SLC35F4: variants seen among roughly 807,000 people sequenced by gnomAD.
The protein encoded by SLC35F4 is chromosome 14 open reading frame 36.
A neutral mutation model predicts 44.2 loss-of-function variants in SLC35F4; 24 were observed. The observed-to-expected ratio is 0.54, with a 90% CI of 0.39 to 0.76. The LOEUF (loss-of-function observed/expected upper bound fraction) is 0.76. SLC35F4 is among the 30% of genes least tolerant of loss of function. SLC35F4 has a pLI of 0.00. For synonymous variants in SLC35F4, 238 were observed against 223.6 expected (o/e 1.06, Z -0.57); for missense variants, 562 against 586.1 (o/e 0.96, Z 0.42).
At chr14:57,643,138 C>A (rs1013506755) in intron 1 of SLC35F4, among the ~76,000 whole-genome samples, 2 of 151,790 alleles carry the variant, frequency 1.3e-5, no homozygotes, top group African/African-American at 4.8e-5. Flanking sequence ...AAAGTTTCAA[C>A]CACCTTCAGA....
At position 57,727,411 on chromosome 14, in the gene SLC35F4, T is replaced by G. The variant is rs765688564; in HGVS notation, c.104-133287A>C. On this transcript the variant is annotated intron_variant, in intron 1 of 7. Transcript: ENST00000556826. Reference sequence around the variant, plus strand: ...TCATTTCAAATTCACTTATTTTTGCTCTGATTTTTATTTCTTCTACTAATT... The same window carrying G: ...TCATTTCAAATTCACTTATTTTTGCGCTGATTTTTATTTCTTCTACTAATT... 2.0e-5 allele frequency among the ~76,000 whole-genome samples: 3 copies of G among 152,036 alleles called. No homozygotes were observed. The South Asian group carries it at 6.2e-4, about 31-fold the overall frequency.
rs575291891 is a variant in SLC35F4 at position 57,800,249 on chromosome 14, C to T, written c.103+65474G>A. ...GCCGCTGGGGTCTGGAGCGGATCCC[C>T]AGCAACCTGCAGCAGTCCCTGCAGT... On this transcript the variant is annotated intron_variant, in intron 1 of 7. Coordinates refer to ENST00000556826, the MANE Select transcript of SLC35F4 (RefSeq NM_001306087.2). Among the ~76,000 whole-genome samples the T allele has an allele frequency of 2.0e-4, 28 of 138,254 alleles. 1 individual carries two copies. In the South Asian group the frequency reaches 6.3e-3, roughly 31 times the overall value. The allele number at this position is 138,254 out of a possible 152,430, so 90.7% of individuals were successfully genotyped here.
chr14:57,631,131 G>C (rs940981192), intron 1 of SLC35F4: 8 of 152,698 alleles, frequency 5.2e-5, no homozygotes, highest in African/African-American at 1.9e-4. Context: ...TTTAGGTTCA[G>C]GGCAGGCCTT....
intron 1 of SLC35F4, among the ~76,000 whole-genome samples, chr14:57,625,829 T>C (rs1288227735): frequency 6.6e-6 from 1 of 152,174 alleles, no homozygotes; most frequent in East Asian, 1.9e-4. Context: ...ACTGGGTATA[T>C]ACCCAAAGGA....
At chr14:57,916,448 A>C (rs374725372) in intron 1 of SLC35F4, among the ~76,000 whole-genome samples, 2 of 152,170 alleles carry the variant, frequency 1.3e-5, no homozygotes, top group East Asian at 3.8e-4. Flanking sequence ...TGATATGCCC[A>C]AGTGTAGGAT....
chr14:57,670,902 CTT>C (rs35951590), intron 1 of SLC35F4, among the ~76,000 whole-genome samples: 18 of 107,344 alleles, frequency 1.7e-4, no homozygotes, highest in African/African-American at 4.0e-4. Context: ...CTCATTCATT[CTT>C]TTTTTTTTTT....
chr14:57,627,306 G>C (rs547251228), intron 1 of SLC35F4, among the ~76,000 whole-genome samples: 1 of 152,162 alleles, frequency 6.6e-6, no homozygotes, highest in Admixed American at 6.6e-5. Flanking sequence ...AAATGGGTTC[G>C]ATAAATATAT....
At chr14:57,818,915 T>A (rs909805525) in intron 1 of SLC35F4, among the ~76,000 whole-genome samples, 1 of 152,230 alleles carries the variant, frequency 6.6e-6, no homozygotes, top group Non-Finnish European at 1.5e-5. Context: ...ACCAAAAACT[T>A]AATGGCAAGC....
chr14:57,798,768 G>A (rs899692471), intron 1 of SLC35F4, among the ~76,000 whole-genome samples: 3 of 152,140 alleles, frequency 2.0e-5, no homozygotes, highest in Admixed American at 2.0e-4. Context: ...CTCTATTGGA[G>A]CCAGCGGCAC....
chr14:57,727,813 C>T (rs2076241889), intron 1 of SLC35F4, among the ~76,000 whole-genome samples: 1 of 152,122 alleles, frequency 6.6e-6, no homozygotes, highest in African/African-American at 2.4e-5. Flanking sequence ...TGTGGTCTAT[C>T]CTTGAGAATG....
chr14:57,642,599 T>G (rs537908915), intron 1 of SLC35F4, among the ~76,000 whole-genome samples: 12 of 152,106 alleles, frequency 7.9e-5, no homozygotes, highest in Non-Finnish European at 1.6e-4. Flanking sequence ...AACTGTTTAC[T>G]TTTTTTGATG....
chr14:57,581,074 G>T (rs537886642), intron 4 of SLC35F4, 140 bp downstream of exon 4: 2 of 760,368 alleles, frequency 2.6e-6, no homozygotes, highest in Non-Finnish European at 1.9e-6. Context: ...TTTCTAATGC[G>T]TCTTCAGATT....
At chr14:57,830,282 T>C (rs566740633) in intron 1 of SLC35F4, among the ~76,000 whole-genome samples, 1 of 152,340 alleles carries the variant, frequency 6.6e-6, no homozygotes, top group African/African-American at 2.4e-5. Flanking sequence ...TTTCGTGATC[T>C]GTAAAACGGA....
chr14:57,583,982 A>ATTATTAAAACAGCAGCCACTAGTTGT (rs2069497631), intron 3 of SLC35F4, among the ~76,000 whole-genome samples: 1 of 152,190 alleles, frequency 6.6e-6, no homozygotes. Context: ...AGTTATGCTT[A>ATTATTAAAACAGCAGCCACTAGTTGT]TTATTAAAAC....
In SLC35F4 at chr14:57,952,079, C is replaced by T. The variant is rs544189615; in HGVS notation, n.282+29834G>A. Among the ~76,000 whole-genome samples the T allele has an allele frequency of 1.5e-4, 23 of 152,260 alleles. No individual in the cohort carries two copies. In the East Asian group the frequency reaches 1.5e-3, roughly 10 times the overall value. On this transcript the variant is annotated intron_variant and non_coding_transcript_variant, in intron 1 of 1. Transcript: ENST00000556568. Reference sequence around the variant, plus strand: ...GGGTGCCCCTCTGGGATGAAGCTTCCAAAGGAAGGAACAGGCAGCAATCTT... The same window carrying T: ...GGGTGCCCCTCTGGGATGAAGCTTCTAAAGGAAGGAACAGGCAGCAATCTT...
chr14:57,868,478 A>ATTT (rs35866620), upstream of SLC35F4, among the ~76,000 whole-genome samples: 122 of 145,888 alleles, frequency 8.4e-4, 3 homozygotes, highest in Admixed American at 2.3e-3. Flanking sequence ...AGAAAGGATA[A>ATTT]TTTTTTTTTT....
chr14:57,683,528 TA>T (rs1175516114), intron 1 of SLC35F4, among the ~76,000 whole-genome samples: 1 of 152,126 alleles, frequency 6.6e-6, no homozygotes, highest in East Asian at 1.9e-4. Context: ...CCTACTTGTC[TA>T]AGGGCTGGGT....
chr14:57,887,890 T>TGCACAC (rs1208714683), intron 1 of SLC35F4, among the ~76,000 whole-genome samples: 1 of 152,268 alleles, frequency 6.6e-6, no homozygotes, highest in Admixed American at 6.5e-5. Flanking sequence ...CACATGCACA[T>TGCACAC]GCACACGCAC....
chr14:57,658,769 C>G (rs929479608), intron 1 of SLC35F4, among the ~76,000 whole-genome samples: 4 of 152,246 alleles, frequency 2.6e-5, no homozygotes, highest in South Asian at 4.1e-4. Flanking sequence ...CTAAATCACT[C>G]CAGCCCCAAA....
Sources: gnomAD v4.1 joint callset for allele counts (sites outside exome capture counted in the v4.1 genomes callset) on GRCh38, gnomAD v4.1.1 for gene constraint, MANE v1.5 for transcripts, NCBI Gene and HGNC (gene_info 2026-07-23, HGNC 2026-07-21) for gene names.